The following EDAR variants were observed in gnomAD, a reference collection of about 807,000 sequenced individuals.
The protein encoded by EDAR is ectodysplasin A receptor.
Under a neutral mutation model 51.3 loss-of-function variants are expected in EDAR, and 38 were observed. The observed-to-expected ratio is 0.74, with a 90% CI of 0.57 to 0.97. The LOEUF is 0.97. Among genes scored for constraint, EDAR ranks in the 50% least tolerant of loss-of-function variants. EDAR has a pLI of 0.00. For synonymous variants in EDAR, 227 were observed against 242.1 expected, an observed-to-expected ratio of 0.94 and a Z score of 0.58; for missense variants, 528 against 595.0, an observed-to-expected ratio of 0.89 and a Z score of 1.17.
Position 108,910,792 on chromosome 2 carries a change from C to T in EDAR, c.714G>A (p.Glu238=). 6.2e-7 allele frequency: 1 copy of T among 1,613,526 alleles called. No homozygotes were observed. Among genetic ancestry groups the T allele is most frequent in the Non-Finnish European group, 8.5e-7 (1 of 1,179,982 alleles). The change falls in exon 8 of 12, where the codon GAG becomes GAA. Residue 238 remains glutamate (E), a synonymous_variant. Transcript: ENST00000258443. ...SVEAQVSKDE[E]KKEAPDNVVM... is the part of the protein sequence containing the mutation. Reference sequence around the variant, plus strand: ...TTCACAGACCTGGGGCCTCTTTCTTCTCCTCGTCCTTGCTCACTTGGGCCT... The same window carrying T: ...TTCACAGACCTGGGGCCTCTTTCTTTTCCTCGTCCTTGCTCACTTGGGCCT...
intron 1 of EDAR, among the ~76,000 whole-genome samples, chr2:108,977,880 C>G (rs1698352680): frequency 6.6e-6 from 1 of 152,224 alleles, no homozygotes; most frequent in South Asian, 2.1e-4. Context: ...CACAAGACAT[C>G]ATATTAAATG....
chr2:108,923,235 A>G (rs2105431210), intron 5 of EDAR, 133 bp downstream of exon 5: 1 of 873,822 alleles, frequency 1.1e-6, no homozygotes, highest in Non-Finnish European at 1.9e-6. Flanking sequence ...AGGCCACAGG[A>G]GCACTTTCAC....
chr2:108,935,140 C>G (rs926551618), intron 1 of EDAR, among the ~76,000 whole-genome samples: 1 of 152,210 alleles, frequency 6.6e-6, no homozygotes, highest in Non-Finnish European at 1.5e-5. Flanking sequence ...GTCTGCCACT[C>G]CTGCCTGAAT....
intron 1 of EDAR, among the ~76,000 whole-genome samples, chr2:108,966,407 C>T (rs1015105556): frequency 6.6e-6 from 1 of 152,202 alleles, no homozygotes; most frequent in African/African-American, 2.4e-5. Context: ...GGAGGCCAGC[C>T]GCAGGCAGAG....
intron 5 of EDAR, among the ~76,000 whole-genome samples, chr2:108,920,238 C>T (rs1029434719): frequency 3.3e-5 from 5 of 152,228 alleles, no homozygotes; most frequent in Non-Finnish European, 5.9e-5. Context: ...CCACATGCAT[C>T]GCCCACGTCA....
At chr2:108,939,443 G>A (rs545259388) in intron 1 of EDAR, among the ~76,000 whole-genome samples, 18 of 152,298 alleles carry the variant, frequency 1.2e-4, no homozygotes, top group African/African-American at 3.8e-4. Context: ...CAGAGTATGC[G>A]TATGTGAAAA....
At chr2:108,901,233 A>G (rs1273937278) in intron 11 of EDAR, among the ~76,000 whole-genome samples, 1 of 152,210 alleles carries the variant, frequency 6.6e-6, no homozygotes, top group Non-Finnish European at 1.5e-5. Flanking sequence ...CAGTCTTCTA[A>G]ATAATCCACA....
At position 108,908,031 on chromosome 2, in the gene EDAR, A is replaced by G. The variant is rs1056875280; in HGVS notation, c.804-12T>C. The G allele has an allele frequency of 3.7e-6, 6 of 1,604,924 alleles. No individual in the cohort carries two copies. The African/African-American group carries it at 8.0e-5, about 21-fold the overall frequency. On this transcript the variant is annotated splice_polypyrimidine_tract_variant and intron_variant, in intron 9 of 11. Transcript: ENST00000258443. Reference sequence around the variant, plus strand: ...AGGCATCGTTCTCGCTGCAAAAACAAGAGCGATGGTCATTAGCAGTGCCTG... The same window carrying G: ...AGGCATCGTTCTCGCTGCAAAAACAGGAGCGATGGTCATTAGCAGTGCCTG...
chr2:108,972,301 G>T (rs1197512452), intron 1 of EDAR, among the ~76,000 whole-genome samples: 1 of 152,228 alleles, frequency 6.6e-6, no homozygotes, highest in African/African-American at 2.4e-5. Context: ...TAGCCATGCC[G>T]GCCCAGTTCT....
At position 108,910,813 on chromosome 2, in the gene EDAR, G is replaced by C. The variant is rs372067031; in HGVS notation, c.693C>G (p.Ala231=). 4 of 1,613,708 alleles carry C rather than the reference G, an allele frequency of 2.5e-6. No homozygotes were observed. Among genetic ancestry groups the C allele is most frequent in the Non-Finnish European group, 3.4e-6 (4 of 1,179,984 alleles). ...CTSHPGKSVE[A]QVSKDEEKKE... is the part of the protein sequence containing the mutation. ...TCTTCTCCTCGTCCTTGCTCACTTG[G>C]GCCTCCACGCTCTTCCCCGGGTGGC... is the stretch of plus-strand genomic sequence containing the variant. Residue 231 remains alanine (A), a synonymous_variant, in exon 8 of 12, where the codon GCC becomes GCG. Transcript: ENST00000258443.
intron 1 of EDAR, among the ~76,000 whole-genome samples, chr2:108,969,086 G>A (rs1161373976): frequency 1.3e-5 from 2 of 152,228 alleles, no homozygotes; most frequent in East Asian, 3.9e-4. Context: ...GTCAGTTTAC[G>A]TTGTGTGACA....
chr2:108,912,637 C>A, intron 6 of EDAR, 41 bp downstream of exon 6: 1 of 1,524,434 alleles, frequency 6.6e-7, no homozygotes, highest in Non-Finnish European at 8.9e-7. Flanking sequence ...ATCCGAGTAC[C>A]ACCTAACTCC....
chr2:108,946,966 T>G (rs1251210580), intron 1 of EDAR, among the ~76,000 whole-genome samples: 1 of 152,134 alleles, frequency 6.6e-6, no homozygotes, highest in African/African-American at 2.4e-5. Context: ...ACTCCAGCAT[T>G]AACCCAAAAG....
intron 1 of EDAR, among the ~76,000 whole-genome samples, chr2:108,968,495 C>A (rs1698185576): frequency 6.6e-6 from 1 of 152,178 alleles, no homozygotes; most frequent in Non-Finnish European, 1.5e-5. Flanking sequence ...ACAGATCCCA[C>A]AGAAATATTC....
At chr2:108,927,567 G>C (rs767343228) in intron 4 of EDAR, among the ~76,000 whole-genome samples, 9 of 152,174 alleles carry the variant, frequency 5.9e-5, no homozygotes, top group Non-Finnish European at 1.3e-4. Context: ...AGCCAGGCCA[G>C]AGCCAGCAGC....
intron 4 of EDAR, among the ~76,000 whole-genome samples, chr2:108,926,244 T>C (rs1346688169): frequency 6.6e-6 from 1 of 152,162 alleles, no homozygotes; most frequent in African/African-American, 2.4e-5. Context: ...GGTCCCTTCG[T>C]CTTTCTGGAA....
intron 7 of EDAR, 46 bp from the exon 8 acceptor site, chr2:108,910,896 G>A (rs779752511): frequency 1.2e-6 from 2 of 1,613,904 alleles, no homozygotes; most frequent in African/African-American, 2.7e-5. Context: ...CCGACAGGGG[G>A]AGTTGACGGA....
At chr2:108,901,994 C>G (rs963287973) in intron 11 of EDAR, among the ~76,000 whole-genome samples, 6 of 151,864 alleles carry the variant, frequency 4.0e-5, no homozygotes, top group Non-Finnish European at 8.8e-5. Context: ...AATCCCAGCA[C>G]TTTGGGAGGC....
At chr2:108,969,847 C>T (rs1010546600) in intron 1 of EDAR, among the ~76,000 whole-genome samples, 9 of 152,176 alleles carry the variant, frequency 5.9e-5, no homozygotes, top group African/African-American at 2.2e-4. Flanking sequence ...GAAGAGCTAA[C>T]TTGTGCAGGG....
Sources: gnomAD v4.1 joint callset for allele counts (sites outside exome capture counted in the v4.1 genomes callset) on GRCh38, gnomAD v4.1.1 for gene constraint, MANE v1.5 for transcripts, NCBI Gene and HGNC (gene_info 2026-07-23, HGNC 2026-07-21) for gene names.